The following SLC66A2 variants were observed in gnomAD, a reference collection of about 807,000 sequenced individuals.
SLC66A2 encodes the protein solute carrier family 66 member 2, also known as PQ loop repeat containing 1.
In SLC66A2, 23 loss-of-function variants were observed where a neutral mutation model predicts 25.5. That is an observed-to-expected ratio of 0.90 (90% CI 0.65 to 1.28). SLC66A2 has a LOEUF of 1.28. SLC66A2 is among the 50% of genes most tolerant of loss of function. SLC66A2 has a pLI of 0.00. For synonymous variants in SLC66A2, 193 were observed against 166.5 expected (o/e 1.16, Z -1.23); for missense variants, 396 against 373.1 (o/e 1.06, Z -0.51).
chr18:79,940,432 C>A lies in SLC66A2; in HGVS notation c.337+2897G>T, dbSNP rs1987557650. Among the ~76,000 whole-genome samples the A allele has an allele frequency of 6.6e-6, 1 of 151,986 alleles. No homozygotes were observed. The highest frequency in any genetic ancestry group is 1.5e-5 in the Non-Finnish European group (1 of 68,000). On this transcript the variant is annotated intron_variant, in intron 3 of 5. Coordinates refer to ENST00000397778, the MANE Select transcript of SLC66A2 (RefSeq NM_025078.5). This position sits in a 1 kb window ranked among gnomAD's most constrained non-coding sequence, Gnocchi z 4.1. ...TAGAGAAATAATCTGTACACTAAAC[C>A]CCCGTGACAAACAATTTACCTATAT...
intron 4 of SLC66A2, among the ~76,000 whole-genome samples, chr18:79,930,820 C>T (rs1449931822): frequency 6.6e-6 from 1 of 152,094 alleles, no homozygotes; most frequent in Non-Finnish European, 1.5e-5. Context: ...GTTTGTTCTC[C>T]TTTCTTTTCT....
At chr18:79,924,292 G>A (rs1450145210) in intron 4 of SLC66A2, among the ~76,000 whole-genome samples, 1 of 152,126 alleles carries the variant, frequency 6.6e-6, no homozygotes, top group Non-Finnish European at 1.5e-5. Context: ...CAACACGGAT[G>A]GACCTTGAAA....
At position 79,950,839 on chromosome 18, in the gene SLC66A2, C is replaced by T. The variant is rs765957443; in HGVS notation, c.88G>A (p.Val30Met). Residue 30 changes from valine (V) to methionine (M), a missense_variant, in exon 2 of 6, where the codon GTG becomes ATG. Physicochemically the swap from Val to Met is conservative, Grantham distance 21. Coordinates refer to ENST00000397778, the MANE Select transcript of SLC66A2 (RefSeq NM_025078.5). The stretch of plus-strand genomic sequence containing the variant: ...CGATACTGCGGGACGTAGGGCACCA[C>T]CCCTCCGAAGACCATGGCCGCGGCC... ...GAAAAMVFGG[V>M]VPYVPQYRDI... 6.2e-7 allele frequency: 1 copy of T among 1,612,198 alleles called. No individual in the cohort carries two copies. Among genetic ancestry groups the T allele is most frequent in the South Asian group, 1.1e-5 (1 of 90,970 alleles).
rs894250683 is a variant in SLC66A2 at position 79,904,015 on chromosome 18, C to G, written c.777G>C (p.Ala259=). 2.5e-6 allele frequency: 4 copies of G among 1,606,100 alleles called. No homozygotes were observed. The highest frequency in any genetic ancestry group is 2.5e-6 in the Non-Finnish European group (3 of 1,177,210). The part of the protein sequence containing the change: ...YAFARHPQKP[A]PHAVHPTGTK... ...TGCCAGTGGGGTGCACGGCGTGGGGCGCCGGCTTCTGGGGGTGGCGGGCGA... is the reference window on the plus strand; with the variant it reads ...TGCCAGTGGGGTGCACGGCGTGGGGGGCCGGCTTCTGGGGGTGGCGGGCGA... Residue 259 remains alanine (A), a synonymous_variant, in exon 6 of 6, where the codon GCG becomes GCC. Transcript: ENST00000397778. The surrounding 1 kb of genome is among the most constrained non-coding windows in gnomAD (Gnocchi z 6.3).
At chr18:79,906,157 A>G (rs1308987179) in intron 5 of SLC66A2, among the ~76,000 whole-genome samples, 2 of 152,196 alleles carry the variant, frequency 1.3e-5, no homozygotes, top group Non-Finnish European at 2.9e-5. Context: ...CATTCTGGCC[A>G]CTGGTTTATC....
chr18:79,946,340 A>G (rs914216003), intron 2 of SLC66A2, among the ~76,000 whole-genome samples: 3 of 152,260 alleles, frequency 2.0e-5, no homozygotes, highest in African/African-American at 7.2e-5. Flanking sequence ...GTAATTTTAA[A>G]AGCTAATTAA....
chr18:79,942,904 C>T (rs1044302166), intron 3 of SLC66A2, among the ~76,000 whole-genome samples: 2 of 152,210 alleles, frequency 1.3e-5, no homozygotes, highest in African/African-American at 4.8e-5. Context: ...GTGAGGAAGA[C>T]CCTGGCTAAG....
rs1398979647 is a variant in SLC66A2 at position 79,941,465 on chromosome 18, A to T, written c.337+1864T>A. 1 of 152,224 alleles carries T rather than the reference A, an allele frequency of 6.6e-6. No homozygotes were observed. Among genetic ancestry groups the T allele is most frequent in the Non-Finnish European group, 1.5e-5 (1 of 68,054 alleles). 9.4% of individuals were successfully genotyped at this position (152,224 alleles called of 1,614,324 possible). On this transcript the variant is annotated intron_variant, in intron 3 of 5. Coordinates refer to ENST00000397778, the MANE Select transcript of SLC66A2 (RefSeq NM_025078.5). The surrounding 1 kb of genome is among the most constrained non-coding windows in gnomAD (Gnocchi z 4.1). ...TTCTGTACACCCACAGAGGGTGTTTAAAATTCAGATTCCAGGCCTAGCTCT... is the reference window on the plus strand; with the variant it reads ...TTCTGTACACCCACAGAGGGTGTTTTAAATTCAGATTCCAGGCCTAGCTCT...
At chr18:79,910,044 AC>A (rs1982813385) in intron 5 of SLC66A2, among the ~76,000 whole-genome samples, 1 of 54,438 alleles carries the variant, frequency 1.8e-5, no homozygotes, top group African/African-American at 7.6e-5. Flanking sequence ...ACTTCCCCAC[AC>A]CCTCGCCAGA....
At chr18:79,942,252 A>C (rs1244921980) in intron 3 of SLC66A2, among the ~76,000 whole-genome samples, 1 of 152,188 alleles carries the variant, frequency 6.6e-6, no homozygotes, top group Admixed American at 6.5e-5. Flanking sequence ...AGGAGAGGAG[A>C]ATGGCGTGAA....
chr18:79,911,841 G>C (rs576941609), intron 5 of SLC66A2, among the ~76,000 whole-genome samples: 2 of 134,006 alleles, frequency 1.5e-5, no homozygotes, highest in Non-Finnish European at 3.2e-5. Context: ...GGGGACAGGA[G>C]CAGGGAGGGG....
In SLC66A2 at chr18:79,917,019, C is replaced by T. The variant is rs1374633192; in HGVS notation, c.608+2165G>A. 6.6e-6 allele frequency among the ~76,000 whole-genome samples: 1 copy of T among 152,270 alleles called. No homozygotes were observed. The highest frequency in any genetic ancestry group is 1.5e-5 in the Non-Finnish European group (1 of 68,048). On this transcript the variant is annotated intron_variant, in intron 5 of 5. Coordinates refer to ENST00000397778, the MANE Select transcript of SLC66A2 (RefSeq NM_025078.5). This position sits in a 1 kb window ranked among gnomAD's most constrained non-coding sequence, Gnocchi z 6.0. ...GCTCGGTGCTGGGGAGACGCCTGCA[C>T]ATGGAAGTGTGTGTGCTGCTTGTGG...
chr18:79,904,262 G>C lies in SLC66A2; in HGVS notation c.609-79C>G. 1 of 1,319,722 alleles carries C rather than the reference G, an allele frequency of 7.6e-7. No individual in the cohort carries two copies. Among genetic ancestry groups the C allele is most frequent in the South Asian group, 1.2e-5 (1 of 82,766 alleles). The allele number at this position is 1,319,722 out of a possible 1,614,324, so 81.8% of individuals were successfully genotyped here. ...AGTCAGTGGGGAGGCCTGGGGCTTA[G>C]ACAGCGGGGAGACCTGGGGCTCAGG... is the stretch of plus-strand genomic sequence containing the variant. On this transcript the variant is annotated intron_variant, in intron 5 of 5. Coordinates refer to ENST00000397778, the MANE Select transcript of SLC66A2 (RefSeq NM_025078.5). This position sits in a 1 kb window ranked among gnomAD's most constrained non-coding sequence, Gnocchi z 6.3.
chr18:79,949,964 A>G (rs1320276236), intron 2 of SLC66A2: 1 of 152,250 alleles, frequency 6.6e-6, no homozygotes, highest in Admixed American at 6.5e-5. Context: ...GTTAAAATTA[A>G]TTTCAATTTC....
intron 5 of SLC66A2, among the ~76,000 whole-genome samples, chr18:79,907,334 G>GTTTTTTTTTTTTTTTTTGTT (rs57635823): frequency 1.7e-5 from 2 of 116,880 alleles, no homozygotes; most frequent in Admixed American, 1.0e-4. Flanking sequence ...TCTTTGTATA[G>GTTTTTTTTTTTTTTTTTGTT]TTTTTTTTTT....
Position 79,918,480 on chromosome 18 carries a change from C to CGG in SLC66A2, c.608+702_608+703dup, listed in dbSNP as rs961590416. 1.3e-4 allele frequency among the ~76,000 whole-genome samples: 19 copies of CGG among 149,222 alleles called. No homozygotes were observed. Among genetic ancestry groups the CGG allele is most frequent in the Non-Finnish European group, 2.1e-4 (14 of 67,076 alleles). On this transcript the variant is annotated intron_variant, in intron 5 of 5. Transcript: ENST00000397778. This position sits in a 1 kb window ranked among gnomAD's most constrained non-coding sequence, Gnocchi z 4.0. Reference sequence around the variant, plus strand: ...GAGGGTCCCCAGTGAGGAGCGGCACCGGGGGGTCCCCAGTGAGGAGCGGGC... The same window carrying CGG: ...GAGGGTCCCCAGTGAGGAGCGGCACCGGGGGGGGTCCCCAGTGAGGAGCGGGC...
At chr18:79,933,845 C>A (rs536551515) in intron 4 of SLC66A2, 124 bp downstream of exon 4, 19 of 798,834 alleles carry the variant, frequency 2.4e-5, no homozygotes, top group Non-Finnish European at 3.8e-5. Context: ...GCTGTAGACT[C>A]GGCCACGCTT....
chr18:79,947,262 C>T (rs2050956973), intron 2 of SLC66A2: 1 of 152,264 alleles, frequency 6.6e-6, no homozygotes, highest in East Asian at 1.9e-4. Context: ...GCTTCTGGCA[C>T]CAACCTGCCA....
chr18:79,911,834 G>GA (rs1277654671), intron 5 of SLC66A2, among the ~76,000 whole-genome samples: 1 of 141,910 alleles, frequency 7.0e-6, no homozygotes, highest in Non-Finnish European at 1.5e-5. Context: ...GCAGGAAGGG[G>GA]ACAGGAGCAG....
Sources: gnomAD v4.1 joint callset for allele counts (sites outside exome capture counted in the v4.1 genomes callset) on GRCh38, gnomAD v4.1.1 for gene constraint, Gnocchi (gnomAD v3.1) non-coding constraint, MANE v1.5 for transcripts, NCBI Gene and HGNC (gene_info 2026-07-23, HGNC 2026-07-21) for gene names.